The following PIWIL2 variants were observed in gnomAD, a reference collection of about 807,000 sequenced individuals.
PIWIL2 encodes piwi-like protein 2.
A neutral mutation model predicts 116.5 loss-of-function variants in PIWIL2; 81 were observed. The ratio of observed to expected loss-of-function variants is 0.70; its 90% CI spans 0.58 to 0.84. The LOEUF is 0.84. Among genes scored for constraint, PIWIL2 ranks in the 40% least tolerant of loss-of-function variants. The probability of loss-of-function intolerance (pLI) is 0.00; values close to 1 mark genes in which losing one functional copy is unlikely to be tolerated. For synonymous variants in PIWIL2, 489 were observed against 429.5 expected (o/e 1.14, Z -1.71); for missense variants, 1,272 against 1,212.3 (o/e 1.05, Z -0.73).
intron 14 of PIWIL2, 96 bp downstream of exon 14, chr8:22,308,169 T>G: frequency 9.5e-7 from 1 of 1,057,988 alleles, no homozygotes; most frequent in Non-Finnish European, 1.3e-6. Flanking sequence ...TTTTGAATGT[T>G]TGTCCATGTC....
chr8:22,353,881 T>C (rs1163706040), intron 21 of PIWIL2, among the ~76,000 whole-genome samples: 10 of 147,582 alleles, frequency 6.8e-5, no homozygotes, highest in Non-Finnish European at 1.3e-4. Flanking sequence ...GCCCAGGTGA[T>C]CCTCCCACCT....
intron 19 of PIWIL2, among the ~76,000 whole-genome samples, chr8:22,317,177 A>AT (rs1831480086): frequency 6.6e-6 from 1 of 152,228 alleles, no homozygotes; most frequent in Admixed American, 6.5e-5. Context: ...TGTTGTTGGC[A>AT]TTTTTCCCCC....
At position 22,289,872 on chromosome 8, in the gene PIWIL2, C is replaced by T. The variant is rs541960538; in HGVS notation, c.1012C>T (p.Leu338Phe). The change falls in exon 9 of 23, where the codon CTT becomes TTT. Residue 338 changes from leucine (L) to phenylalanine (F), a missense_variant. Leu to Phe is a conservative substitution (Grantham distance 22, BLOSUM62 0). Coordinates refer to ENST00000356766, the MANE Select transcript of PIWIL2 (RefSeq NM_018068.5). ...GGTAATGAAACTTTTAGATATGAAG[C>T]TTGTGGGGAGAAACTTTTATGACCC... ...RRVMKLLDMK[L>F]VGRNFYDPTS... 3.1e-6 allele frequency: 5 copies of T among 1,610,526 alleles called. No individual in the cohort carries two copies. In the South Asian group the frequency reaches 3.3e-5, roughly 11 times the overall value.
In PIWIL2 at chr8:22,355,371, A is replaced by G. The variant is rs1279393597; in HGVS notation, c.2788A>G (p.Met930Val). The G allele has an allele frequency of 1.9e-6, 3 of 1,614,160 alleles. No homozygotes were observed. Among genetic ancestry groups the G allele is most frequent in the South Asian group, 2.2e-5 (2 of 91,080 alleles). The change falls in exon 23 of 23, where the codon ATG (methionine) becomes GTG (valine). Residue 930 changes from methionine to valine, a missense_variant. Physicochemically the swap from Met to Val is conservative, Grantham distance 21. Coordinates refer to ENST00000356766, the MANE Select transcript of PIWIL2 (RefSeq NM_018068.5). ...CAGGCTGACTTTCAAACTGTGCCAC[A>G]TGTACTGGAATTGGCCTGGCACCAT... ...MQRLTFKLCH[M>V]YWNWPGTIRV...
At chr8:22,338,269 C>A (rs936717066) in intron 20 of PIWIL2, among the ~76,000 whole-genome samples, 4 of 152,168 alleles carry the variant, frequency 2.6e-5, no homozygotes, top group African/African-American at 9.7e-5. Flanking sequence ...AACGACAACA[C>A]AAACCTGCCA....
intron 19 of PIWIL2, 92 bp downstream of exon 19, chr8:22,316,425 A>G (rs1831461706): frequency 6.3e-6 from 5 of 795,270 alleles, no homozygotes; most frequent in Admixed American, 2.2e-5. Flanking sequence ...AGCATTATGT[A>G]TTACAATATA....
intron 20 of PIWIL2, among the ~76,000 whole-genome samples, chr8:22,349,144 G>A (rs962356720): frequency 1.3e-5 from 2 of 150,550 alleles, no homozygotes; most frequent in African/African-American, 4.9e-5. Flanking sequence ...TGCCCCCCGG[G>A]TTCAATGCAC....
chr8:22,311,271 A>G lies in PIWIL2; in HGVS notation c.1960A>G (p.Arg654Gly), dbSNP rs1831324023. The G allele has an allele frequency of 6.2e-7, 1 of 1,613,078 alleles. No homozygotes were observed. The highest frequency in any genetic ancestry group is 1.7e-5 in the Admixed American group (1 of 59,726). Residue 654 changes from arginine to glycine, a missense_variant, in exon 16 of 23, where the codon AGA becomes GGA. Physicochemically the swap from Arg to Gly is moderately radical, Grantham distance 125. Coordinates refer to ENST00000356766, the MANE Select transcript of PIWIL2 (RefSeq NM_018068.5). ...LKDDRIETYV[R>G]TIQSTLGAEG... ...GGATGACCGAATAGAGACTTATGTC[A>G]GAACCATTCAATCCACGTTAGGAGC... is the stretch of plus-strand genomic sequence containing the variant.
rs374654670 is a variant in PIWIL2, at chr8:22,283,203, G to A, written c.595G>A (p.Asp199Asn). ...ALPQSPLHSP[D>N]RPLVLTVEHK... ...GCCCCAGTCTCCCCTGCACTCTCCA[G>A]ATCGCCCTCTGGTCCTGACTGTGGA... is the stretch of plus-strand genomic sequence containing the variant. Residue 199 changes from aspartate to asparagine, a missense_variant, in exon 5 of 23, where the codon GAT (aspartate) becomes AAT (asparagine). Asp to Asn is a conservative substitution (Grantham distance 23). Coordinates refer to ENST00000356766, the MANE Select transcript of PIWIL2 (RefSeq NM_018068.5). 5.6e-6 allele frequency: 9 copies of A among 1,613,910 alleles called. No homozygotes were observed. Among genetic ancestry groups the A allele is most frequent in the Non-Finnish European group, 7.6e-6 (9 of 1,179,954 alleles).
chr8:22,277,849 T>C (rs1264928168), intron 1 of PIWIL2, among the ~76,000 whole-genome samples: 2 of 152,162 alleles, frequency 1.3e-5, no homozygotes, highest in African/African-American at 4.8e-5. Flanking sequence ...TGACAATAAT[T>C]TTATGATATG....
At chr8:22,295,028 G>A (rs61115295) in intron 10 of PIWIL2, among the ~76,000 whole-genome samples, 61,938 of 151,574 alleles carry the variant, frequency 0.41, 15,209 homozygotes, top group East Asian at 0.8. Context: ...GCAGTGAGCC[G>A]AGATCGTGCC....
intron 1 of PIWIL2, among the ~76,000 whole-genome samples, chr8:22,277,033 A>ATT (rs553016038): frequency 4.0e-4 from 58 of 146,238 alleles, no homozygotes; most frequent in African/African-American, 1.3e-3. Context: ...ATATATATAT[A>ATT]TTTTTTTTTT....
At position 22,311,133 on chromosome 8, in the gene PIWIL2, C is replaced by CT. The variant is rs1176582313; in HGVS notation, c.1828dup (p.Tyr610LeufsTer34). Reference sequence around the variant, plus strand: ...CTAGATCCCCATGCATTTCTGGGCACTTTTTTACCCAAAGAGAGCAATGGA... The same window carrying CT: ...CTAGATCCCCATGCATTTCTGGGCACTTTTTTTACCCAAAGAGAGCAATGGA... On this transcript the variant is annotated frameshift_variant, in exon 16 of 23. Transcript: ENST00000356766. LOFTEE classifies it high-confidence loss of function. 1.9e-6 allele frequency: 3 copies of CT among 1,611,946 alleles called. No homozygotes were observed. The highest frequency in any genetic ancestry group is 2.5e-6 in the Non-Finnish European group (3 of 1,179,392).
chr8:22,353,920 C>T (rs543526517), intron 21 of PIWIL2, among the ~76,000 whole-genome samples: 9 of 151,918 alleles, frequency 5.9e-5, no homozygotes, highest in African/African-American at 1.7e-4. Flanking sequence ...GGACAATAGG[C>T]GTATGCCACC....
At chr8:22,296,263 T>C (rs1464702877) in intron 10 of PIWIL2, among the ~76,000 whole-genome samples, 1 of 152,028 alleles carries the variant, frequency 6.6e-6, no homozygotes, top group East Asian at 1.9e-4. Context: ...ATGAGGACGG[T>C]CTCGATCTCT....
chr8:22,341,858 G>C (rs778348266), intron 20 of PIWIL2, among the ~76,000 whole-genome samples: 1 of 151,712 alleles, frequency 6.6e-6, no homozygotes, highest in Admixed American at 6.6e-5. Context: ...TTTGTTTGCA[G>C]ATAGCATGAT....
At chr8:22,289,753 C>G in intron 8 of PIWIL2, 94 bp from the exon 9 acceptor site, 1 of 741,344 alleles carries the variant, frequency 1.3e-6, no homozygotes, top group Non-Finnish European at 2.4e-6. Flanking sequence ...CATTTCTAAC[C>G]GTTCAGACTT....
intron 10 of PIWIL2, among the ~76,000 whole-genome samples, chr8:22,299,241 A>G (rs139238439): frequency 4.8e-5 from 7 of 145,720 alleles, no homozygotes; most frequent in Non-Finnish European, 1.1e-4. Flanking sequence ...ATGGAATTTC[A>G]CTCTTGTTGC....
chr8:22,346,164 C>T (rs1182129979), intron 20 of PIWIL2, among the ~76,000 whole-genome samples: 1 of 152,112 alleles, frequency 6.6e-6, no homozygotes, highest in African/African-American at 2.4e-5. Context: ...TTCAAGGCTG[C>T]AGTGAGCTTT....
Sources: gnomAD v4.1 joint callset for allele counts (sites outside exome capture counted in the v4.1 genomes callset) on GRCh38, gnomAD v4.1.1 for gene constraint, MANE v1.5 for transcripts, NCBI Gene and HGNC (gene_info 2026-07-23, HGNC 2026-07-21) for gene names.